DNMT3B: variants seen among roughly 807,000 people sequenced by gnomAD.
DNMT3B encodes the protein DNA (cytosine-5)-methyltransferase 3B.
Under a neutral mutation model 120.2 loss-of-function variants are expected in DNMT3B, and 37 were observed. The observed-to-expected ratio is 0.31, with a 90% CI of 0.24 to 0.40. The LOEUF is 0.40. Among genes scored for constraint, DNMT3B ranks in the 10% least tolerant of loss-of-function variants. The pLI is 1.00. For missense variants in DNMT3B, 878 were observed against 1,137.3 expected (o/e 0.77, Z 3.28); for synonymous variants, 412 against 442.8 (o/e 0.93, Z 0.87).
At position 32,799,323 on chromosome 20, in the gene DNMT3B, C is replaced by T. The variant is rs1981037102; in HGVS notation, c.1754C>T (p.Ala585Val). The T allele has an allele frequency of 2.5e-6, 4 of 1,612,406 alleles. No individual in the cohort carries two copies. The highest frequency in any genetic ancestry group is 1.7e-5 in the Admixed American group (1 of 59,802). Residue 585 changes from alanine (A) to valine (V), a missense_variant, in exon 16 of 23, where the codon GCG (alanine) becomes GTG (valine). Physicochemically the swap from Ala to Val is moderately conservative, Grantham distance 64. This residue lies in a region of DNMT3B where 334 missense variants were observed against 518.8 expected (regional missense o/e 0.64). Transcript: ENST00000328111. ...GTCCTGTCATTGTTTGATGGCATCG[C>T]GACAGGTGAGTTCGGGGAACACCTG... is the stretch of plus-strand genomic sequence containing the variant. ...IRVLSLFDGI[A>V]TGYLVLKELG... is the part of the protein sequence containing the mutation.
intron 1 of DNMT3B, among the ~76,000 whole-genome samples, chr20:32,772,921 G>C (rs547158520): frequency 2.8e-5 from 4 of 141,890 alleles, no homozygotes; most frequent in African/African-American, 1.1e-4. Context: ...TGTTGCCCAG[G>C]CTAGAGTGCA....
chr20:32,796,646 G>C lies in DNMT3B; in HGVS notation c.1298-144G>C, dbSNP rs559131431. 5.4e-4 allele frequency: 449 copies of C among 834,386 alleles called. 6 individuals are homozygous for C. The highest frequency in any genetic ancestry group is 2.6e-3 in the South Asian group (187 of 71,896). 51.7% of individuals were successfully genotyped at this position (834,386 alleles called of 1,614,324 possible). A position where few individuals can be genotyped will look rare whatever the true frequency, so the allele number is the denominator to read the frequency against. ...CTGGAAGCATTGTTGAGTGGTAGAAGCTGTGAGGCATGGCCTGAGGTGCAA... is the reference window on the plus strand; with the variant it reads ...CTGGAAGCATTGTTGAGTGGTAGAACCTGTGAGGCATGGCCTGAGGTGCAA... On this transcript the variant is annotated intron_variant, in intron 12 of 22. Transcript: ENST00000328111.
Position 32,762,506 on chromosome 20 carries a change from C to T in DNMT3B, c.-200C>T. On this transcript the variant is annotated 5_prime_UTR_variant, in exon 1 of 23. Coordinates refer to ENST00000328111, the MANE Select transcript of DNMT3B (RefSeq NM_006892.4). ...CCGACGGACGGGACCGGCTCCCTGG[C>T]GGTCGGGCGAGCGGGCGGCAACGCT... 3 of 276,158 alleles carry T rather than the reference C, an allele frequency of 1.1e-5. No homozygotes were observed. Among genetic ancestry groups the T allele is most frequent in the South Asian group, 5.8e-5 (2 of 34,388 alleles). The allele number at this position is 276,158 out of a possible 1,614,324, so 17.1% of individuals were successfully genotyped here.
chr20:32,807,694 G>A, intron 22 of DNMT3B, 68 bp from the exon 23 acceptor site: 1 of 1,608,232 alleles, frequency 6.2e-7, no homozygotes, highest in African/African-American at 1.3e-5. Flanking sequence ...GTGGGACCTG[G>A]CTGGTTGAGG....
intron 1 of DNMT3B, among the ~76,000 whole-genome samples, chr20:32,764,296 G>A (rs1987166464): frequency 6.6e-6 from 1 of 152,296 alleles, no homozygotes; most frequent in African/African-American, 2.4e-5. Context: ...AACCTCTTCA[G>A]CCCTTGATCT....
intron 15 of DNMT3B, 130 bp downstream of exon 15, chr20:32,798,773 A>C: frequency 1.5e-6 from 2 of 1,344,330 alleles, no homozygotes; most frequent in Non-Finnish European, 2.1e-6. Context: ...AATGGCTGAG[A>C]GACCTGGCGA....
rs202113400 is a variant in DNMT3B, at chr20:32,787,313, C to G, written c.516C>G (p.Asp172Glu). ...PSSYLTIDLTDDTEDTHGTPQ... is the reference protein window; with the variant it reads ...PSSYLTIDLTEDTEDTHGTPQ... ...CTTACCTTACCATCGACCTCACAGA[C>G]GACACAGAGGACACACATGGGACGC... is the stretch of plus-strand genomic sequence containing the variant. Residue 172 changes from aspartate to glutamate, a missense_variant, in exon 6 of 23, where the codon GAC (aspartate) becomes GAG (glutamate). Asp to Glu is a conservative substitution (Grantham distance 45, BLOSUM62 2). Transcript: ENST00000328111. The G allele has an allele frequency of 6.2e-7, 1 of 1,614,140 alleles. No homozygotes were observed. Among genetic ancestry groups the G allele is most frequent in the East Asian group, 2.2e-5 (1 of 44,870 alleles).
rs1982125186 is a variant in DNMT3B at position 32,807,741 on chromosome 20, TTTTCACTCCGGTACCC to T, written c.2421-20_2421-5del. ...CTGGAGGCACTTCTGACTTGCTGTC[TTTTCACTCCGGTACCC>T]CCAGGATCTTTGGCTTTCCTGTGCA... is the stretch of plus-strand genomic sequence containing the variant. On this transcript the variant is annotated splice_polypyrimidine_tract_variant and splice_region_variant and intron_variant, in intron 22 of 22. Coordinates refer to ENST00000328111, the MANE Select transcript of DNMT3B (RefSeq NM_006892.4). 2 of 1,613,592 alleles carry T rather than the reference TTTTCACTCCGGTACCC, an allele frequency of 1.2e-6. No individual in the cohort carries two copies. The highest frequency in any genetic ancestry group is 1.7e-6 in the Non-Finnish European group (2 of 1,179,974).
chr20:32,800,375 T>A lies in DNMT3B; in HGVS notation c.1905+77T>A, dbSNP rs531482487. 7.1e-5 allele frequency: 114 copies of A among 1,594,440 alleles called. No individual in the cohort carries two copies. In the African/African-American group the frequency reaches 1.4e-3, roughly 20 times the overall value. On this transcript the variant is annotated intron_variant, in intron 17 of 22. Coordinates refer to ENST00000328111, the MANE Select transcript of DNMT3B (RefSeq NM_006892.4). ...AGTCCTCCACACCCTGAAACCCACA[T>A]GTAGGCCCCATCCCTGAGACCCCAG...
chr20:32,775,454 A>C (rs1486676988), intron 1 of DNMT3B, among the ~76,000 whole-genome samples: 2 of 152,166 alleles, frequency 1.3e-5, no homozygotes, highest in African/African-American at 4.8e-5. Flanking sequence ...TCTGAGTCTA[A>C]TTGGGGGTTG....
intron 19 of DNMT3B, 66 bp from the exon 20 acceptor site, chr20:32,802,318 CA>C: frequency 6.5e-7 from 1 of 1,540,090 alleles, no homozygotes; most frequent in East Asian, 2.2e-5. Context: ...CTGTCACCTG[CA>C]AAGGTCTGGT....
chr20:32,802,572 AAT>A, intron 20 of DNMT3B, 102 bp downstream of exon 20: 1 of 1,224,420 alleles, frequency 8.2e-7, no homozygotes, highest in Non-Finnish European at 1.2e-6. Flanking sequence ...TCTGCTGAGA[AAT>A]AGTTATACTT....
At chr20:32,799,906 A>G (rs943684382) in intron 16 of DNMT3B, among the ~76,000 whole-genome samples, 1 of 144,418 alleles carries the variant, frequency 6.9e-6, no homozygotes, top group African/African-American at 2.5e-5. Flanking sequence ...TTCATTCCAC[A>G]TGCATAAGTA....
chr20:32,796,001 T>G (rs907005598), intron 12 of DNMT3B, among the ~76,000 whole-genome samples: 1 of 152,226 alleles, frequency 6.6e-6, no homozygotes, highest in Non-Finnish European at 1.5e-5. Context: ...AAAGAAGAAC[T>G]GCAACTAACA....
chr20:32,768,722 G>GT (rs1987538581), intron 1 of DNMT3B, among the ~76,000 whole-genome samples: 3 of 152,132 alleles, frequency 2.0e-5, no homozygotes, highest in Admixed American at 1.3e-4. Flanking sequence ...GCACTAACTA[G>GT]GGTCCCACTG....
At chr20:32,767,849 A>G (rs540771098) in intron 1 of DNMT3B, among the ~76,000 whole-genome samples, 1 of 152,234 alleles carries the variant, frequency 6.6e-6, no homozygotes, top group Non-Finnish European at 1.5e-5. Flanking sequence ...TTCCTTTGGA[A>G]GAAGGCCTCT....
intron 19 of DNMT3B, 32 bp downstream of exon 19, chr20:32,801,458 A>C (rs754292350): frequency 1.5e-5 from 25 of 1,613,248 alleles, no homozygotes; most frequent in Non-Finnish European, 1.9e-5. Context: ...ATTGTCACAG[A>C]CAGCCAGGGC....
chr20:32,801,304 T>C lies in DNMT3B; in HGVS notation c.2023T>C (p.Phe675Leu). Residue 675 changes from phenylalanine (F) to leucine (L), a missense_variant, in exon 19 of 23, where the codon TTT (phenylalanine) becomes CTT (leucine). Physicochemically the swap from Phe to Leu is conservative, Grantham distance 22 (BLOSUM62 0). This residue lies in a region of DNMT3B where 334 missense variants were observed against 518.8 expected (regional missense o/e 0.64). Transcript: ENST00000328111. ...YEGTGRLFFE[F>L]YHLLNYSRPK... ...GGGTACAGGCCGGCTCTTCTTCGAA[T>C]TTTACCACCTGCTGAATTACTCACG... The C allele has an allele frequency of 6.2e-7, 1 of 1,614,136 alleles. No individual in the cohort carries two copies. Among genetic ancestry groups the C allele is most frequent in the Non-Finnish European group, 8.5e-7 (1 of 1,180,026 alleles).
At chr20:32,786,440 C>T (rs1979289848) in intron 4 of DNMT3B, 62 bp from the exon 5 acceptor site, 3 of 1,611,416 alleles carry the variant, frequency 1.9e-6, no homozygotes, top group Non-Finnish European at 1.7e-6. Flanking sequence ...ATCCTTCTGG[C>T]CCCGCCAGAC....
Sources: allele counts gnomAD v4.1 joint callset (sites outside exome capture counted in the v4.1 genomes callset), GRCh38; gene constraint gnomAD v4.1.1; regional missense constraint gnomAD v4.1.1; transcripts MANE v1.5; gene names NCBI Gene and HGNC (gene_info 2026-07-23, HGNC 2026-07-21).